The following ALDH7A1 variants were observed in gnomAD, a reference collection of about 807,000 sequenced individuals.
The protein encoded by ALDH7A1 is aldehyde dehydrogenase 7 family member A1, also known as alpha-aminoadipic semialdehyde dehydrogenase.
ALDH7A1 carries 63 observed loss-of-function variants against 79.9 expected under a neutral mutation model. That is an observed-to-expected ratio of 0.79 (90% CI 0.64 to 0.97). The LOEUF is 0.97. ALDH7A1 is among the 50% of genes least tolerant of loss of function. The probability of loss-of-function intolerance (pLI) is 0.00; values close to 1 mark genes in which losing one functional copy is unlikely to be tolerated. For missense variants in ALDH7A1, 627 were observed against 665.2 expected, an observed-to-expected ratio of 0.94 and a Z score of 0.63; for synonymous variants, 240 against 231.2, an observed-to-expected ratio of 1.04 and a Z score of -0.34.
At chr5:126,571,460 G>C (rs1360693281) in intron 7 of ALDH7A1, among the ~76,000 whole-genome samples, 1 of 142,696 alleles carries the variant, frequency 7.0e-6, no homozygotes, top group African/African-American at 2.8e-5. Flanking sequence ...CTGGAAGACA[G>C]GGAGACTGTA....
intron 1 of ALDH7A1, chr5:126,594,025 C>G (rs1328740720): frequency 9.0e-6 from 3 of 334,742 alleles, no homozygotes; most frequent in Non-Finnish European, 1.8e-5. Context: ...ATACAACGTC[C>G]AACAAAGTTT....
At chr5:126,554,946 A>G (rs1750136729) in intron 12 of ALDH7A1, 1 of 183,636 alleles carries the variant, frequency 5.4e-6, no homozygotes, top group African/African-American at 2.4e-5. Context: ...TATGAGGAGG[A>G]GGCATGTTAG....
At chr5:126,545,060 T>A in intron 17 of ALDH7A1, 41 bp from the exon 18 acceptor site, 1 of 1,441,748 alleles carries the variant, frequency 6.9e-7, no homozygotes, top group East Asian at 2.3e-5. Context: ...AGTACATACA[T>A]AACAGAAGAT....
At chr5:126,559,433 GGT>G (rs1750322801) in intron 10 of ALDH7A1, 99 bp from the exon 11 acceptor site, 204 of 569,584 alleles carry the variant, frequency 3.6e-4, no homozygotes, top group Middle Eastern at 1.4e-3. Flanking sequence ...TTTTGGTTTT[GGT>G]TTTTTTTTTT....
intron 7 of ALDH7A1, 93 bp from the exon 8 acceptor site, chr5:126,570,952 A>T: frequency 8.1e-7 from 1 of 1,229,678 alleles, no homozygotes. Flanking sequence ...TCCTTTTTTC[A>T]ACTTTCTCTC....
intron 3 of ALDH7A1, among the ~76,000 whole-genome samples, chr5:126,591,675 G>A (rs1171105963): frequency 1.3e-5 from 2 of 152,160 alleles, no homozygotes; most frequent in Non-Finnish European, 2.9e-5. Flanking sequence ...AGCACACTGA[G>A]GATGGGGGTA....
Position 126,544,616 on chromosome 5 carries a change from CT to C in ALDH7A1, c.*348del. On this transcript the variant is annotated 3_prime_UTR_variant, in exon 18 of 18. Transcript: ENST00000409134. ...CACCCTGTATCTACTGCAAAGACTT[CT>C]GTTTTCTCCTCGGTTCTGTATTTTC... 1 of 319,388 alleles carries C rather than the reference CT, an allele frequency of 3.1e-6. No individual in the cohort carries two copies. The highest frequency in any genetic ancestry group is 6.0e-6 in the Non-Finnish European group (1 of 167,062). 19.8% of individuals were successfully genotyped at this position (319,388 alleles called of 1,614,324 possible).
chr5:126,555,085 C>A, intron 12 of ALDH7A1: 1 of 157,846 alleles, frequency 6.3e-6, no homozygotes, highest in Non-Finnish European at 1.4e-5. Flanking sequence ...GGAAAATAGA[C>A]ACAGAAAGGC....
At chr5:126,593,740 C>T (rs1713994139) in intron 1 of ALDH7A1, 2 of 413,646 alleles carry the variant, frequency 4.8e-6, no homozygotes, top group African/African-American at 2.0e-5. Context: ...CTCTTCCTTA[C>T]TCTGCCCACC....
At chr5:126,548,944 C>T (rs979967489) in intron 16 of ALDH7A1, among the ~76,000 whole-genome samples, 17 of 144,354 alleles carry the variant, frequency 1.2e-4, no homozygotes, top group African/African-American at 4.4e-4. Flanking sequence ...TGTGGAGGCA[C>T]ATGCCTGTAA....
At chr5:126,554,753 C>A (rs537967229) in intron 12 of ALDH7A1, 1 of 352,544 alleles carries the variant, frequency 2.8e-6, no homozygotes, top group African/African-American at 2.1e-5. Flanking sequence ...GCACTGCACT[C>A]AAAATATAGG....
chr5:126,571,349 G>C (rs1313496667), intron 7 of ALDH7A1, among the ~76,000 whole-genome samples: 1 of 150,834 alleles, frequency 6.6e-6, no homozygotes, highest in Non-Finnish European at 1.5e-5. Flanking sequence ...GTGACGGTGG[G>C]AGCCTGTAAT....
intron 5 of ALDH7A1, among the ~76,000 whole-genome samples, chr5:126,578,079 G>A (rs1398725279): frequency 6.6e-6 from 1 of 151,056 alleles, no homozygotes; most frequent in East Asian, 2.0e-4. Context: ...ACTTGAGGTC[G>A]GGAGTTCAAG....
At chr5:126,574,023 CAAAAA>C (rs34601459) in intron 7 of ALDH7A1, among the ~76,000 whole-genome samples, 1 of 57,244 alleles carries the variant, frequency 1.7e-5, no homozygotes, top group Admixed American at 2.2e-4. Context: ...AAGACTGTCT[CAAAAA>C]AAAAAAAAAA....
chr5:126,565,464 CTT>C (rs1342855738), intron 9 of ALDH7A1, among the ~76,000 whole-genome samples: 5 of 138,058 alleles, frequency 3.6e-5, no homozygotes, highest in Non-Finnish European at 7.8e-5. Flanking sequence ...ATTGGGTTGT[CTT>C]TTATATTCTT....
chr5:126,547,987 T>C (rs1749849637), intron 16 of ALDH7A1, among the ~76,000 whole-genome samples: 1 of 150,774 alleles, frequency 6.6e-6, no homozygotes, highest in South Asian at 2.1e-4. Flanking sequence ...GGGAGGTGGA[T>C]GTTGCAGCGA....
chr5:126,557,585 C>CAA (rs955163501), intron 11 of ALDH7A1, among the ~76,000 whole-genome samples: 1 of 101,270 alleles, frequency 9.9e-6, no homozygotes, highest in Admixed American at 1.1e-4. Flanking sequence ...GACTCCATCT[C>CAA]AAAAAAAAAA....
intron 9 of ALDH7A1, among the ~76,000 whole-genome samples, chr5:126,565,616 AAACT>A (rs1464865891): frequency 3.3e-5 from 5 of 152,268 alleles, no homozygotes; most frequent in Non-Finnish European, 7.4e-5. Context: ...ATTTTGATAA[AAACT>A]AATTTGTCTT....
chr5:126,547,016 C>T (rs1183107569), intron 16 of ALDH7A1, among the ~76,000 whole-genome samples: 2 of 152,148 alleles, frequency 1.3e-5, no homozygotes. Context: ...TAAAAAGAGA[C>T]ATAACTGACT....
Sources: allele counts gnomAD v4.1 joint callset (sites outside exome capture counted in the v4.1 genomes callset), GRCh38; gene constraint gnomAD v4.1.1; transcripts MANE v1.5; gene names NCBI Gene and HGNC (gene_info 2026-07-23, HGNC 2026-07-21).